SYN2: variants seen among roughly 807,000 people sequenced by gnomAD.
The protein encoded by SYN2 is synapsin-2.
SYN2 carries 19 observed loss-of-function variants against 50.9 expected under a neutral mutation model. The observed-to-expected ratio is 0.37, with a 90% CI of 0.26 to 0.55. SYN2 has a LOEUF of 0.55. SYN2 is among the 20% of genes least tolerant of loss of function. The probability of loss-of-function intolerance (pLI) is 0.81; values close to 1 mark genes in which losing one functional copy is unlikely to be tolerated. For missense variants in SYN2, 587 were observed against 576.4 expected (o/e 1.02, Z -0.19); for synonymous variants, 255 against 224.9 (o/e 1.13, Z -1.20).
chr3:12,158,842 A>T, intron 5 of SYN2: 1 of 1,577,920 alleles, frequency 6.3e-7, no homozygotes, highest in East Asian at 2.3e-5. Flanking sequence ...CCCAGGCATG[A>T]CACTGCAGAT....
chr3:12,033,962 G>A lies in SYN2; in HGVS notation c.377+29034G>A, dbSNP rs150294415. ...GGACATTTGGGTTGTTTTCACTTCTGTGTAATTATAAATAAAGCTGTTATG... is the reference window on the plus strand; with the variant it reads ...GGACATTTGGGTTGTTTTCACTTCTATGTAATTATAAATAAAGCTGTTATG... On this transcript the variant is annotated intron_variant, in intron 1 of 12. Coordinates refer to ENST00000621198, the MANE Select transcript of SYN2 (RefSeq NM_133625.6). Among the ~76,000 whole-genome samples, 301 of 152,188 alleles carry A rather than the reference G, an allele frequency of 2.0e-3. 1 individual carries two copies. Among genetic ancestry groups the A allele is most frequent in the Middle Eastern group, 3.4e-3 (1 of 294 alleles).
At chr3:12,153,491 G>A in intron 5 of SYN2, 1 of 1,612,036 alleles carries the variant, frequency 6.2e-7, no homozygotes, top group South Asian at 1.1e-5. Flanking sequence ...ACTCTTGAAG[G>A]GATGTGATGG....
intron 1 of SYN2, among the ~76,000 whole-genome samples, chr3:12,057,870 T>C (rs1695028810): frequency 1.3e-5 from 2 of 152,182 alleles, no homozygotes; most frequent in Non-Finnish European, 2.9e-5. Context: ...AACTGAAACA[T>C]ATAAACATAC....
intron 1 of SYN2, among the ~76,000 whole-genome samples, chr3:12,071,834 T>C (rs891848250): frequency 9.2e-5 from 14 of 152,350 alleles, no homozygotes; most frequent in Middle Eastern, 3.4e-3. Flanking sequence ...GTCCAAGCCA[T>C]AGGACCCAGT....
intron 11 of SYN2, chr3:12,185,160 C>T: frequency 1.0e-6 from 1 of 985,806 alleles, no homozygotes; most frequent in Non-Finnish European, 1.2e-6. Flanking sequence ...TGCATATTTG[C>T]ACTTCCAGAT....
chr3:12,065,789 C>T (rs1056828465), intron 1 of SYN2, among the ~76,000 whole-genome samples: 2 of 152,154 alleles, frequency 1.3e-5, no homozygotes, highest in Non-Finnish European at 1.5e-5. Context: ...AATCATAAAC[C>T]AAACCTCAGC....
intron 1 of SYN2, among the ~76,000 whole-genome samples, chr3:12,089,498 A>G (rs1695780087): frequency 6.6e-6 from 1 of 152,170 alleles, no homozygotes; most frequent in Non-Finnish European, 1.5e-5. Flanking sequence ...TCAATGCGCA[A>G]TCATTATTTC....
intron 1 of SYN2, among the ~76,000 whole-genome samples, chr3:12,041,664 C>G (rs896291959): frequency 6.6e-6 from 1 of 152,182 alleles, no homozygotes; most frequent in African/African-American, 2.4e-5. Context: ...TCCTGCCAGT[C>G]TAAGGTGTAA....
chr3:12,062,524 A>C (rs926335995), intron 1 of SYN2, among the ~76,000 whole-genome samples: 4 of 152,052 alleles, frequency 2.6e-5, no homozygotes, highest in Non-Finnish European at 5.9e-5. Context: ...TAAAGTTGAA[A>C]ATTTCTGCTC....
chr3:12,039,530 A>G (rs1260025619), intron 1 of SYN2, among the ~76,000 whole-genome samples: 1 of 148,650 alleles, frequency 6.7e-6, no homozygotes, highest in Non-Finnish European at 1.5e-5. Context: ...CCTGCAGATG[A>G]GAAAACAAAG....
At chr3:12,156,242 T>C (rs1179923084) in intron 5 of SYN2, among the ~76,000 whole-genome samples, 1 of 152,242 alleles carries the variant, frequency 6.6e-6, no homozygotes, top group Non-Finnish European at 1.5e-5. Context: ...ACCTACACAA[T>C]GAAGCTTCCC....
chr3:12,144,783 G>A (rs147003295), intron 3 of SYN2, among the ~76,000 whole-genome samples: 11,974 of 152,222 alleles, frequency 0.079, 579 homozygotes, highest in African/African-American at 0.13. Context: ...CACTTTGGGA[G>A]GCCAAGGCGG....
At chr3:12,183,009 C>T (rs1047653051) in intron 10 of SYN2, among the ~76,000 whole-genome samples, 16 of 152,184 alleles carry the variant, frequency 1.1e-4, no homozygotes, top group African/African-American at 2.2e-4. Context: ...TGCTAGAGGA[C>T]GCAAAGCTTC....
intron 12 of SYN2, among the ~76,000 whole-genome samples, 185 bp from the exon 13 acceptor site, chr3:12,190,305 T>C (rs745566044): frequency 2.0e-5 from 3 of 152,162 alleles, no homozygotes; most frequent in Non-Finnish European, 4.4e-5. Flanking sequence ...AGCACCAAAG[T>C]TGAGGAAGTA....
At position 12,047,620 on chromosome 3, in the gene SYN2, C is replaced by T. The variant is rs1201238484; in HGVS notation, c.377+42692C>T. ...TTTTGAGGTTTTTGTCAGATGGAGA[C>T]GATGAAAGGGAAAGGAAGTTTAAGT... On this transcript the variant is annotated intron_variant, in intron 1 of 12. Transcript: ENST00000621198. Among the ~76,000 whole-genome samples, 7 of 151,518 alleles carry T rather than the reference C, an allele frequency of 4.6e-5. No individual in the cohort carries two copies. The South Asian group carries it at 8.4e-4, about 18-fold the overall frequency.
intron 7 of SYN2, among the ~76,000 whole-genome samples, chr3:12,164,979 C>CTTTTTTTT (rs1697745419): frequency 3.1e-5 from 4 of 130,276 alleles, no homozygotes; most frequent in African/African-American, 1.1e-4. Context: ...TCCTTTTTTT[C>CTTTTTTTT]TTTTCTTTTT....
intron 1 of SYN2, among the ~76,000 whole-genome samples, chr3:12,024,183 G>C (rs408748): frequency 0.66 from 83,730 of 126,414 alleles, 29,368 homozygotes; most frequent in South Asian, 0.79. Context: ...TTGAGACAGA[G>C]TCTCACTCTG....
intron 1 of SYN2, among the ~76,000 whole-genome samples, chr3:12,131,689 G>A (rs1255004453): frequency 1.3e-5 from 2 of 150,270 alleles, no homozygotes. Flanking sequence ...TTGTTATCTT[G>A]TGATACTGCA....
intron 5 of SYN2, chr3:12,157,026 A>G: frequency 1.1e-6 from 1 of 918,506 alleles, no homozygotes; most frequent in Non-Finnish European, 1.7e-6. Context: ...CAGCCTAAAA[A>G]TGTAAGCAAA....
Sources: gnomAD v4.1 joint callset for allele counts (sites outside exome capture counted in the v4.1 genomes callset) on GRCh38, gnomAD v4.1.1 for gene constraint, MANE v1.5 for transcripts, NCBI Gene and HGNC (gene_info 2026-07-23, HGNC 2026-07-21) for gene names.